The following GRID2 variants were observed in gnomAD, a reference collection of about 807,000 sequenced individuals.
GRID2 encodes the protein glutamate ionotropic receptor delta type subunit 2, also known as glutamate receptor ionotropic, delta-2.
Under a neutral mutation model 114.8 loss-of-function variants are expected in GRID2, and 33 were observed. That is an observed-to-expected ratio of 0.29 (90% CI 0.22 to 0.38). GRID2 has a LOEUF of 0.38. Ranked by LOEUF, GRID2 falls within the 10% of genes least tolerant of loss-of-function variation. The pLI is 1.00. For missense variants in GRID2, 1,184 were observed against 1,257.7 expected, an observed-to-expected ratio of 0.94 and a Z score of 0.89; for synonymous variants, 505 against 449.9, an observed-to-expected ratio of 1.12 and a Z score of -1.55.
chr4:93,593,193 C>T (rs560311028), intron 13 of GRID2, among the ~76,000 whole-genome samples: 7 of 148,212 alleles, frequency 4.7e-5, no homozygotes, highest in South Asian at 2.2e-4. Flanking sequence ...CAGCTGGTAC[C>T]GGTTGTTCCT....
rs114444305 is a variant in GRID2 at position 93,099,808 on chromosome 4, C to T, written c.530-10940C>T. Among the ~76,000 whole-genome samples the T allele has an allele frequency of 5.2e-3, 785 of 151,940 alleles. 1 individual carries two copies. Among genetic ancestry groups the T allele is most frequent in the African/African-American group, 0.018 (750 of 41,522 alleles). On this transcript the variant is annotated intron_variant, in intron 3 of 15. Coordinates refer to ENST00000282020, the MANE Select transcript of GRID2 (RefSeq NM_001510.4). The stretch of plus-strand genomic sequence containing the variant: ...TCTTTTGAAATGAGCATTGAAGGAC[C>T]ATCCTCATGAATGCATTCCTAAGAA...
intron 11 of GRID2, among the ~76,000 whole-genome samples, chr4:93,480,219 T>A (rs1233639942): frequency 6.6e-6 from 1 of 152,062 alleles, no homozygotes; most frequent in Non-Finnish European, 1.5e-5. Flanking sequence ...GTAAATAGGA[T>A]ACAAAATTGT....
In GRID2 at chr4:92,965,450, T is replaced by TAAAAAAAAAAAAAAAA. The variant is rs869285420; in HGVS notation, c.245-119521_245-119506dup. Among the ~76,000 whole-genome samples, 56 of 85,752 alleles carry TAAAAAAAAAAAAAAAA rather than the reference T, an allele frequency of 6.5e-4. 1 individual carries two copies. The highest frequency in any genetic ancestry group is 9.3e-4 in the Non-Finnish European group (39 of 41,798). The allele number at this position is 85,752 out of a possible 152,430, so 56.3% of individuals were successfully genotyped here. Reference sequence around the variant, plus strand: ...AGGGTTGCCATAAACATTCAATTTGTAAAAAAAAAAAAAAAAAAAAAAAAA... The same window carrying TAAAAAAAAAAAAAAAA: ...AGGGTTGCCATAAACATTCAATTTGTAAAAAAAAAAAAAAAAAAAAAAAAAAAAAAAAAAAAAAAAA... On this transcript the variant is annotated intron_variant, in intron 2 of 15. Transcript: ENST00000282020.
intron 14 of GRID2, among the ~76,000 whole-genome samples, chr4:93,630,040 T>C (rs985781097): frequency 2.0e-5 from 3 of 152,190 alleles, no homozygotes; most frequent in African/African-American, 7.2e-5. Flanking sequence ...CATGTATGAT[T>C]GTATGTGAGC....
chr4:92,345,046 T>C (rs986336127), intron 1 of GRID2, among the ~76,000 whole-genome samples: 2 of 152,314 alleles, frequency 1.3e-5, no homozygotes, highest in East Asian at 3.9e-4. Context: ...CCTTTCAGCT[T>C]TCTCCCCTGA....
intron 13 of GRID2, among the ~76,000 whole-genome samples, chr4:93,576,895 A>G (rs907738361): frequency 1.3e-5 from 2 of 152,208 alleles, no homozygotes; most frequent in African/African-American, 2.4e-5. Context: ...GAAAGAGGAC[A>G]CAGTTTTCCT....
chr4:93,067,988 C>T (rs1237988434), intron 2 of GRID2, among the ~76,000 whole-genome samples: 1 of 152,006 alleles, frequency 6.6e-6, no homozygotes, highest in Non-Finnish European at 1.5e-5. Flanking sequence ...TTCAATGCAA[C>T]TGTAAGCTTC....
intron 2 of GRID2, among the ~76,000 whole-genome samples, chr4:92,642,078 T>G (rs1731382256): frequency 6.6e-6 from 1 of 151,644 alleles, no homozygotes; most frequent in South Asian, 2.1e-4. Flanking sequence ...CTTGTGATGT[T>G]TCATGTTCAG....
chr4:93,231,344 A>G (rs1256645399), intron 7 of GRID2, among the ~76,000 whole-genome samples: 4 of 149,708 alleles, frequency 2.7e-5, no homozygotes, highest in Non-Finnish European at 5.9e-5. Context: ...TATATTGTAG[A>G]ATGTACTGTG....
At chr4:93,243,402 G>T (rs748041232) in intron 8 of GRID2, among the ~76,000 whole-genome samples, 1 of 152,016 alleles carries the variant, frequency 6.6e-6, no homozygotes, top group Non-Finnish European at 1.5e-5. Flanking sequence ...TACTAGATGT[G>T]TGTCCAAAAT....
chr4:93,028,012 A>G (rs1199104354), intron 2 of GRID2, among the ~76,000 whole-genome samples: 1 of 152,156 alleles, frequency 6.6e-6, no homozygotes, highest in Non-Finnish European at 1.5e-5. Flanking sequence ...AATCCATTAT[A>G]GTATCTAATT....
intron 4 of GRID2, among the ~76,000 whole-genome samples, chr4:93,116,748 A>G (rs1733300867): frequency 6.7e-6 from 1 of 148,694 alleles, no homozygotes. Flanking sequence ...CTGAAGGAAG[A>G]GGGTTTTTTT....
intron 13 of GRID2, among the ~76,000 whole-genome samples, chr4:93,571,355 G>A (rs1472365681): frequency 6.6e-6 from 1 of 151,970 alleles, no homozygotes; most frequent in African/African-American, 2.4e-5. Context: ...AATGTATATA[G>A]TATATATAAT....
At chr4:92,583,654 A>ATT (rs1028745588) in intron 1 of GRID2, among the ~76,000 whole-genome samples, 15 of 146,872 alleles carry the variant, frequency 1.0e-4, no homozygotes, top group South Asian at 4.2e-4. Context: ...GCAGATAATA[A>ATT]TTATATATAT....
intron 1 of GRID2, among the ~76,000 whole-genome samples, chr4:92,360,768 C>T (rs1344254770): frequency 6.6e-6 from 1 of 151,392 alleles, no homozygotes. Context: ...AGGGAATCAT[C>T]AGGTCTTTCA....
intron 14 of GRID2, among the ~76,000 whole-genome samples, chr4:93,677,569 C>A (rs913959273): frequency 6.6e-6 from 1 of 152,086 alleles, no homozygotes; most frequent in African/African-American, 2.4e-5. Context: ...GCCGGGCACT[C>A]CTCTGAGACA....
chr4:92,727,049 CAGTTATCT>C (rs1736101422), intron 2 of GRID2, among the ~76,000 whole-genome samples: 1 of 152,000 alleles, frequency 6.6e-6, no homozygotes, highest in South Asian at 2.1e-4. Flanking sequence ...ATAACATTCT[CAGTTATCT>C]AGTTATCTAA....
chr4:93,093,856 G>A (rs1023549033), intron 3 of GRID2, among the ~76,000 whole-genome samples: 18 of 151,976 alleles, frequency 1.2e-4, no homozygotes, highest in Non-Finnish European at 2.1e-4. Context: ...AGGAGGGGAA[G>A]GGATTGTGGA....
At chr4:92,423,208 G>T (rs1399438444) in intron 1 of GRID2, among the ~76,000 whole-genome samples, 1 of 152,254 alleles carries the variant, frequency 6.6e-6, no homozygotes, top group East Asian at 1.9e-4. Context: ...CTTGTAGGTA[G>T]AGCTATATAG....
Sources: gnomAD v4.1 joint callset for allele counts (sites outside exome capture counted in the v4.1 genomes callset) on GRCh38, gnomAD v4.1.1 for gene constraint, MANE v1.5 for transcripts, NCBI Gene and HGNC (gene_info 2026-07-23, HGNC 2026-07-21) for gene names.